Variants in AP4E1 observed in about 807,000 individuals in gnomAD.
AP4E1 encodes the protein AP-4 complex subunit epsilon-1.
A neutral mutation model predicts 128.2 loss-of-function variants in AP4E1; 56 were observed. That is an observed-to-expected ratio of 0.44 (90% CI 0.35 to 0.55). The LOEUF is 0.55. Among genes scored for constraint, AP4E1 ranks in the 20% least tolerant of loss-of-function variants. The pLI is 0.00. For missense variants in AP4E1, 1,324 were observed against 1,307.7 expected, an observed-to-expected ratio of 1.01 and a Z score of -0.19; for synonymous variants, 484 against 473.1, an observed-to-expected ratio of 1.02 and a Z score of -0.30.
chr15:50,947,045 G>A (rs2064071683), intron 10 of AP4E1, among the ~76,000 whole-genome samples: 1 of 151,752 alleles, frequency 6.6e-6, no homozygotes, highest in South Asian at 2.1e-4. Flanking sequence ...GTGGCACGCT[G>A]AGATCCTGCC....
intron 17 of AP4E1, among the ~76,000 whole-genome samples, 170 bp downstream of exon 17, chr15:50,993,795 TA>T (rs1163888625): frequency 6.6e-6 from 1 of 152,232 alleles, no homozygotes; most frequent in Non-Finnish European, 1.5e-5. Context: ...CACAGCTTTT[TA>T]TATTCCTGAA....
chr15:50,928,841 T>A (rs1447692182), intron 5 of AP4E1, among the ~76,000 whole-genome samples, 168 bp from the exon 6 acceptor site: 1 of 152,116 alleles, frequency 6.6e-6, no homozygotes, highest in Non-Finnish European at 1.5e-5. Flanking sequence ...CCACTTTTTA[T>A]AATTTGGTAT....
intron 16 of AP4E1, among the ~76,000 whole-genome samples, chr15:50,989,967 C>T (rs902213965): frequency 6.6e-6 from 1 of 152,138 alleles, no homozygotes; most frequent in Non-Finnish European, 1.5e-5. Context: ...AGAGGGAAGA[C>T]AGTTGCTCTT....
intron 14 of AP4E1, among the ~76,000 whole-genome samples, chr15:50,967,830 T>C (rs1223922850): frequency 6.6e-6 from 1 of 152,216 alleles, no homozygotes; most frequent in Non-Finnish European, 1.5e-5. Flanking sequence ...ATTCATTTTT[T>C]GAGACAGAAT....
At chr15:50,962,443 A>G (rs929845222) in intron 14 of AP4E1, among the ~76,000 whole-genome samples, 1 of 152,014 alleles carries the variant, frequency 6.6e-6, no homozygotes, top group Non-Finnish European at 1.5e-5. Context: ...GAACCCAGAA[A>G]AACCGTGTAT....
rs146703406 is a variant in AP4E1 at position 50,917,851 on chromosome 15, G to A, written c.346+2280G>A. On this transcript the variant is annotated intron_variant, in intron 3 of 20. Coordinates refer to ENST00000261842, the MANE Select transcript of AP4E1 (RefSeq NM_007347.5). The stretch of plus-strand genomic sequence containing the variant: ...ACAGTGGCTCATGCGTGTAATCCCA[G>A]CACTTTGGGAGGCTGAGGCAGGCAG... Among the ~76,000 whole-genome samples the A allele has an allele frequency of 4.7e-3, 709 of 152,312 alleles. 1 individual carries two copies. The highest frequency in any genetic ancestry group is 0.014 in the Middle Eastern group (4 of 294).
chr15:50,940,841 G>A (rs1374793822), intron 8 of AP4E1, among the ~76,000 whole-genome samples: 1 of 152,162 alleles, frequency 6.6e-6, no homozygotes, highest in Non-Finnish European at 1.5e-5. Flanking sequence ...AAGATGTCCA[G>A]TAGATTATTT....
At chr15:50,998,368 A>G (rs1443256905) in intron 18 of AP4E1, among the ~76,000 whole-genome samples, 2 of 151,988 alleles carry the variant, frequency 1.3e-5, no homozygotes, top group African/African-American at 2.4e-5. Flanking sequence ...GCGGTGGCTT[A>G]TGCCTGTAAT....
At chr15:50,954,064 G>A (rs916555517) in intron 13 of AP4E1, among the ~76,000 whole-genome samples, 1 of 152,166 alleles carries the variant, frequency 6.6e-6, no homozygotes, top group African/African-American at 2.4e-5. Flanking sequence ...AGGGCCAAAT[G>A]TATATACAAA....
chr15:50,978,877 G>A (rs911695476), intron 15 of AP4E1, among the ~76,000 whole-genome samples: 1 of 152,074 alleles, frequency 6.6e-6, no homozygotes, highest in Non-Finnish European at 1.5e-5. Flanking sequence ...TGGGTCTTGG[G>A]GAGTTTTCAC....
chr15:50,949,978 A>C (rs751083349), intron 12 of AP4E1, 40 bp downstream of exon 12: 10 of 1,588,970 alleles, frequency 6.3e-6, no homozygotes, highest in Middle Eastern at 3.3e-4. Flanking sequence ...AACATTTTAA[A>C]GTTTAATGTT....
At chr15:50,923,050 A>G (rs4444282) in intron 3 of AP4E1, among the ~76,000 whole-genome samples, 2 of 152,078 alleles carry the variant, frequency 1.3e-5, no homozygotes, top group South Asian at 4.2e-4. Context: ...GTGCTGGGAT[A>G]ACAGGCGTGA....
At chr15:50,962,499 G>C (rs2064329175) in intron 14 of AP4E1, among the ~76,000 whole-genome samples, 2 of 151,838 alleles carry the variant, frequency 1.3e-5, no homozygotes, top group Non-Finnish European at 2.9e-5. Context: ...ATATATATTG[G>C]GGAAATGACA....
chr15:50,908,644 G>T (rs1219230070), upstream of AP4E1: 6 of 1,170,848 alleles, frequency 5.1e-6, no homozygotes, highest in Non-Finnish European at 6.7e-6. Flanking sequence ...ACTTGTTCAG[G>T]TGGGACGCCA....
In AP4E1 at chr15:50,985,527, G is replaced by A. The variant is rs535309043; in HGVS notation, c.2090+1382G>A. ...GGGATCCAGTTTCAGCTTTCTACAT[G>A]TGGCTAGCCAGTTTTCCCAGCACCA... On this transcript the variant is annotated intron_variant, in intron 16 of 20. Transcript: ENST00000261842. 5.0e-3 allele frequency among the ~76,000 whole-genome samples: 760 copies of A among 152,102 alleles called. 11 individuals are homozygous for A. Among genetic ancestry groups the A allele is most frequent in the African/African-American group, 0.018 (734 of 41,500 alleles).
intron 7 of AP4E1, 137 bp downstream of exon 7, chr15:50,931,108 G>T (rs1234016010): frequency 9.1e-7 from 1 of 1,095,722 alleles, no homozygotes; most frequent in Non-Finnish European, 1.4e-6. Flanking sequence ...AGAAGCCATT[G>T]TAAGAATCAC....
At chr15:50,957,870 T>C (rs1227898174) in intron 13 of AP4E1, among the ~76,000 whole-genome samples, 1 of 151,892 alleles carries the variant, frequency 6.6e-6, no homozygotes, top group Non-Finnish European at 1.5e-5. Context: ...AGAGATGCGG[T>C]TTCACCATGT....
At chr15:50,912,306 T>C (rs1374074474) in intron 2 of AP4E1, among the ~76,000 whole-genome samples, 157 bp downstream of exon 2, 2 of 152,244 alleles carry the variant, frequency 1.3e-5, no homozygotes, top group African/African-American at 2.4e-5. Flanking sequence ...ACTTTAGCCT[T>C]TTATTGTTGA....
chr15:50,970,200 T>C (rs963330304), intron 15 of AP4E1, among the ~76,000 whole-genome samples: 2 of 152,260 alleles, frequency 1.3e-5, no homozygotes, highest in Admixed American at 6.5e-5. Context: ...TGTTTAACTT[T>C]CTGTTCCTGA....
Sources: gnomAD v4.1 joint callset for allele counts (sites outside exome capture counted in the v4.1 genomes callset) on GRCh38, gnomAD v4.1.1 for gene constraint, MANE v1.5 for transcripts, NCBI Gene and HGNC (gene_info 2026-07-23, HGNC 2026-07-21) for gene names.